TAFA1: variants seen among roughly 807,000 people sequenced by gnomAD.
TAFA1 encodes TAFA chemokine like family member 1.
In TAFA1, 4 loss-of-function variants were observed where a neutral mutation model predicts 18.5. The ratio of observed to expected loss-of-function variants is 0.22; its 90% CI spans 0.11 to 0.49. The LOEUF is 0.49. TAFA1 is among the 20% of genes least tolerant of loss of function. The probability of loss-of-function intolerance (pLI) is 0.98; values close to 1 mark genes in which losing one functional copy is unlikely to be tolerated. For synonymous variants in TAFA1, 56 were observed against 55.2 expected (o/e 1.01, Z -0.06); for missense variants, 147 against 169.0 (o/e 0.87, Z 0.72).
intron 4 of TAFA1, among the ~76,000 whole-genome samples, chr3:68,540,174 A>G (rs2073349290): frequency 6.6e-6 from 1 of 152,148 alleles, no homozygotes; most frequent in Non-Finnish European, 1.5e-5. Flanking sequence ...CATATAAAAT[A>G]GGTGAAAACA....
At chr3:68,053,611 G>A (rs2064499036) in intron 2 of TAFA1, among the ~76,000 whole-genome samples, 1 of 152,128 alleles carries the variant, frequency 6.6e-6, no homozygotes, top group Non-Finnish European at 1.5e-5. Flanking sequence ...TAATTTGTGG[G>A]ATGTAGAGAC....
At chr3:68,522,432 G>A (rs1158308) in intron 3 of TAFA1, among the ~76,000 whole-genome samples, 120,140 of 152,112 alleles carry the variant, frequency 0.79, 47,543 homozygotes, top group East Asian at 0.9. Flanking sequence ...GGAAAGGTTC[G>A]GGGAGCTAGA....
At chr3:68,191,944 T>C (rs559152724) in intron 2 of TAFA1, among the ~76,000 whole-genome samples, 2 of 151,848 alleles carry the variant, frequency 1.3e-5, no homozygotes. Context: ...TTATTCACTT[T>C]CTTTGCTTCA....
intron 3 of TAFA1, among the ~76,000 whole-genome samples, chr3:68,492,135 T>C (rs561338923): frequency 9.3e-4 from 142 of 152,348 alleles, no homozygotes; most frequent in African/African-American, 3.3e-3. Flanking sequence ...ATATTTGCTG[T>C]TGTGTACAAT....
intron 3 of TAFA1, among the ~76,000 whole-genome samples, chr3:68,447,844 TG>T (rs1372381544): frequency 7.2e-5 from 11 of 152,342 alleles, no homozygotes; most frequent in Admixed American, 2.6e-4. Context: ...GAAAGAATGC[TG>T]TAAGCAGTAA....
At chr3:68,205,039 T>A (rs954500029) in intron 2 of TAFA1, among the ~76,000 whole-genome samples, 5 of 151,874 alleles carry the variant, frequency 3.3e-5, no homozygotes, top group African/African-American at 1.2e-4. Flanking sequence ...TGACCTTGAA[T>A]GTAATGTGTT....
At chr3:68,450,819 T>C (rs1364529432) in intron 3 of TAFA1, among the ~76,000 whole-genome samples, 1 of 152,188 alleles carries the variant, frequency 6.6e-6, no homozygotes, top group African/African-American at 2.4e-5. Flanking sequence ...TCTGTAGTCA[T>C]GTAGCAAGTG....
chr3:68,309,735 A>T (rs1000595972), intron 2 of TAFA1, among the ~76,000 whole-genome samples: 1 of 152,270 alleles, frequency 6.6e-6, no homozygotes, highest in African/African-American at 2.4e-5. Context: ...ATTGGCCCAC[A>T]GAGTTGAACA....
chr3:68,502,524 T>C (rs909374453), intron 3 of TAFA1, among the ~76,000 whole-genome samples: 1 of 152,120 alleles, frequency 6.6e-6, no homozygotes, highest in Non-Finnish European at 1.5e-5. Context: ...CAGATGAATG[T>C]AGACAGTCAT....
intron 2 of TAFA1, among the ~76,000 whole-genome samples, chr3:68,167,306 C>G (rs1047392607): frequency 1.3e-5 from 2 of 152,104 alleles, no homozygotes; most frequent in Non-Finnish European, 2.9e-5. Flanking sequence ...GGCCGGGCGC[C>G]GTGGCTCACG....
At chr3:68,390,519 G>T (rs2070212314) in intron 2 of TAFA1, among the ~76,000 whole-genome samples, 1 of 152,322 alleles carries the variant, frequency 6.6e-6, no homozygotes, top group African/African-American at 2.4e-5. Context: ...GGGACAGACT[G>T]CCTCTTCAAG....
chr3:68,362,703 G>C lies in TAFA1; in HGVS notation c.119-54577G>C, dbSNP rs145080178. ...TAAGGAGTTTCTAAGAAGGGGCTAC[G>C]TAACAGCAAGCTGTCTGAGGGTTTT... is the stretch of plus-strand genomic sequence containing the variant. On this transcript the variant is annotated intron_variant, in intron 2 of 4. Transcript: ENST00000478136. Among the ~76,000 whole-genome samples the C allele has an allele frequency of 7.9e-5, 12 of 152,178 alleles. No homozygotes were observed. In the East Asian group the frequency reaches 2.1e-3, roughly 27 times the overall value.
At chr3:68,184,186 G>A (rs536270969) in intron 2 of TAFA1, among the ~76,000 whole-genome samples, 12 of 152,196 alleles carry the variant, frequency 7.9e-5, no homozygotes, top group South Asian at 2.1e-4. Flanking sequence ...GCGAATTTCC[G>A]TGAATAAGGA....
chr3:68,171,917 A>G (rs2066058544), intron 2 of TAFA1, among the ~76,000 whole-genome samples: 1 of 152,164 alleles, frequency 6.6e-6, no homozygotes, highest in Non-Finnish European at 1.5e-5. Flanking sequence ...AATGAAGAAA[A>G]CAAAATGAGG....
chr3:68,099,042 CTG>C (rs1371240384), intron 2 of TAFA1, among the ~76,000 whole-genome samples: 3 of 152,068 alleles, frequency 2.0e-5, no homozygotes, highest in Admixed American at 6.6e-5. Flanking sequence ...GGACCTCAAA[CTG>C]TAAAAATCTT....
intron 2 of TAFA1, among the ~76,000 whole-genome samples, chr3:68,289,964 G>A (rs2068079226): frequency 6.6e-6 from 1 of 152,300 alleles, no homozygotes; most frequent in African/African-American, 2.4e-5. Context: ...GTAGAACTAG[G>A]CACCCAGGTG....
At chr3:68,343,142 C>A (rs968578577) in intron 2 of TAFA1, among the ~76,000 whole-genome samples, 2 of 152,126 alleles carry the variant, frequency 1.3e-5, no homozygotes, top group South Asian at 2.1e-4. Context: ...CATTAAGAAG[C>A]AAATGTCCTA....
intron 2 of TAFA1, among the ~76,000 whole-genome samples, chr3:68,138,726 A>G (rs1041919163): frequency 2.0e-5 from 3 of 152,220 alleles, no homozygotes; most frequent in Non-Finnish European, 4.4e-5. Context: ...ATATAAAATA[A>G]CTAGTATAAA....
chr3:68,352,709 A>G (rs1649478725), intron 2 of TAFA1, among the ~76,000 whole-genome samples: 1 of 152,070 alleles, frequency 6.6e-6, no homozygotes, highest in South Asian at 2.1e-4. Flanking sequence ...AGGAAGGCAG[A>G]TGCCACTGCC....
Sources: allele counts gnomAD v4.1 joint callset (sites outside exome capture counted in the v4.1 genomes callset), GRCh38; gene constraint gnomAD v4.1.1; transcripts MANE v1.5; gene names NCBI Gene and HGNC (gene_info 2026-07-23, HGNC 2026-07-21).